Variants in PJA2 observed in about 807,000 individuals in gnomAD.
PJA2 encodes E3 ubiquitin-protein ligase Praja-2.
Under a neutral mutation model 69.3 loss-of-function variants are expected in PJA2, and 25 were observed. That is an observed-to-expected ratio of 0.36 (90% CI 0.26 to 0.50). PJA2 has a LOEUF of 0.50. PJA2 is among the 20% of genes least tolerant of loss of function. The pLI is 0.96. For missense variants in PJA2, 809 were observed against 830.2 expected (o/e 0.97, Z 0.31); for synonymous variants, 308 against 277.8 (o/e 1.11, Z -1.08).
At chr5:109,393,358 T>C (rs2127013918) in intron 1 of PJA2, among the ~76,000 whole-genome samples, 1 of 152,340 alleles carries the variant, frequency 6.6e-6, no homozygotes, top group Admixed American at 6.5e-5. Context: ...AACTGGATGT[T>C]AGGCAATTTT....
intron 1 of PJA2, among the ~76,000 whole-genome samples, chr5:109,389,988 T>C (rs750427546): frequency 9.9e-5 from 15 of 151,944 alleles, no homozygotes; most frequent in Non-Finnish European, 8.8e-5. Flanking sequence ...TCTTTGAAGA[T>C]TAATGATACT....
At chr5:109,340,973 G>A (rs1347085635) in intron 9 of PJA2, among the ~76,000 whole-genome samples, 5 of 136,464 alleles carry the variant, frequency 3.7e-5, no homozygotes, top group East Asian at 4.0e-4. Context: ...GTGCAGTGGC[G>A]TGATCTCGGC....
At chr5:109,373,524 C>T (rs1392745367) in intron 4 of PJA2, among the ~76,000 whole-genome samples, 1 of 151,798 alleles carries the variant, frequency 6.6e-6, no homozygotes, top group Non-Finnish European at 1.5e-5. Flanking sequence ...GACAGGAGTA[C>T]ATGGAAGGAA....
At position 109,337,267 on chromosome 5, in the gene PJA2, G is replaced by A. The variant is rs1761963509; in HGVS notation, c.2091C>T (p.Ala697=). The change falls in exon 10 of 10, where the codon GCC becomes GCT. Residue 697 remains alanine, a synonymous_variant. Coordinates refer to ENST00000361189, the MANE Select transcript of PJA2 (RefSeq NM_014819.5). ...CTGCAATACTGTCATTTGAAGGTGG[G>A]GCATCAGGATCAGGCTCAGAGGAAG... ...AAPSSEPDPD[A]PPSNDSIAEA... 6.2e-7 allele frequency: 1 copy of A among 1,613,594 alleles called. No individual in the cohort carries two copies. Among genetic ancestry groups the A allele is most frequent in the Non-Finnish European group, 8.5e-7 (1 of 1,179,852 alleles).
chr5:109,366,928 T>A (rs1370780872), intron 5 of PJA2, among the ~76,000 whole-genome samples: 1 of 151,858 alleles, frequency 6.6e-6, no homozygotes. Flanking sequence ...GGTCAGGAGT[T>A]CAAGACCAAC....
At chr5:109,389,132 G>A (rs1250952922) in intron 1 of PJA2, among the ~76,000 whole-genome samples, 1 of 152,006 alleles carries the variant, frequency 6.6e-6, no homozygotes, top group Non-Finnish European at 1.5e-5. Flanking sequence ...CTTTTGTCAG[G>A]TTTTCCTATC....
chr5:109,361,778 C>T (rs1762510281), intron 6 of PJA2, among the ~76,000 whole-genome samples: 1 of 152,202 alleles, frequency 6.6e-6, no homozygotes, highest in African/African-American at 2.4e-5. Context: ...AATCCCATTT[C>T]TACTTCCCCA....
At chr5:109,394,317 G>A (rs1326337706) in intron 1 of PJA2, among the ~76,000 whole-genome samples, 2 of 151,712 alleles carry the variant, frequency 1.3e-5, no homozygotes, top group African/African-American at 4.9e-5. Flanking sequence ...CAAAGTGCTG[G>A]GATTACAGGT....
chr5:109,357,463 C>CA (rs1350454958), intron 6 of PJA2, among the ~76,000 whole-genome samples: 1 of 152,152 alleles, frequency 6.6e-6, no homozygotes, highest in Non-Finnish European at 1.5e-5. Flanking sequence ...CACATATAAT[C>CA]ACAGATTTTG....
At chr5:109,347,272 A>C (rs1762184807) in intron 7 of PJA2, among the ~76,000 whole-genome samples, 1 of 147,594 alleles carries the variant, frequency 6.8e-6, no homozygotes, top group Non-Finnish European at 1.5e-5. Flanking sequence ...GGGCCTTTTA[A>C]ATATTTTTCC....
chr5:109,402,513 C>A (rs953313522), intron 1 of PJA2, among the ~76,000 whole-genome samples: 1 of 152,076 alleles, frequency 6.6e-6, no homozygotes, highest in African/African-American at 2.4e-5. Context: ...ATGCACCTAA[C>A]AGGAGGTTCA....
Position 109,363,027 on chromosome 5 carries a change from T to C in PJA2, c.1470-5A>G. 2.6e-6 allele frequency: 4 copies of C among 1,563,428 alleles called. No homozygotes were observed. The highest frequency in any genetic ancestry group is 1.2e-5 in the South Asian group (1 of 83,744). On this transcript the variant is annotated splice_polypyrimidine_tract_variant and splice_region_variant and intron_variant, in intron 5 of 9. Coordinates refer to ENST00000361189, the MANE Select transcript of PJA2 (RefSeq NM_014819.5). Reference sequence around the variant, plus strand: ...TCTTCCAAGGATGTCTGTTCCCTAGTACAAACATTTTAAAGGAAGAAAAAA... The same window carrying C: ...TCTTCCAAGGATGTCTGTTCCCTAGCACAAACATTTTAAAGGAAGAAAAAA...
intron 6 of PJA2, among the ~76,000 whole-genome samples, chr5:109,361,411 C>G (rs1320005358): frequency 1.3e-5 from 2 of 152,116 alleles, no homozygotes; most frequent in African/African-American, 4.8e-5. Flanking sequence ...CACAATGGAG[C>G]TGTAAAAAAT....
intron 4 of PJA2, among the ~76,000 whole-genome samples, chr5:109,376,958 G>T (rs1317573127): frequency 6.6e-6 from 1 of 151,980 alleles, no homozygotes; most frequent in Non-Finnish European, 1.5e-5. Flanking sequence ...TTAACATCAG[G>T]TCAGGCTTTG....
chr5:109,395,142 T>G (rs970905886), intron 1 of PJA2, among the ~76,000 whole-genome samples: 1 of 152,212 alleles, frequency 6.6e-6, no homozygotes, highest in African/African-American at 2.4e-5. Flanking sequence ...AATTCTCACA[T>G]GTAAAATTTC....
intron 7 of PJA2, among the ~76,000 whole-genome samples, chr5:109,353,562 C>T (rs1381556632): frequency 7.1e-6 from 1 of 140,640 alleles, no homozygotes; most frequent in Non-Finnish European, 1.5e-5. Context: ...TATTAGATAT[C>T]TATAATATCA....
chr5:109,364,372 C>T (rs569523797), intron 5 of PJA2, among the ~76,000 whole-genome samples: 1 of 151,942 alleles, frequency 6.6e-6, no homozygotes, highest in South Asian at 2.1e-4. Context: ...GCCTGTAATC[C>T]CAGCACTTTG....
At chr5:109,344,385 C>T in intron 8 of PJA2, 74 bp from the exon 9 acceptor site, 11 of 1,452,666 alleles carry the variant, frequency 7.6e-6, no homozygotes, top group Non-Finnish European at 9.3e-6. Flanking sequence ...ACATATTATA[C>T]TCATAGAAGA....
chr5:109,353,778 AT>A (rs1762330874), intron 7 of PJA2, among the ~76,000 whole-genome samples: 1 of 142,662 alleles, frequency 7.0e-6, no homozygotes, highest in African/African-American at 2.5e-5. Context: ...ATATCTATAG[AT>A]TAGATGTCTA....
Sources: gnomAD v4.1 joint callset for allele counts (sites outside exome capture counted in the v4.1 genomes callset) on GRCh38, gnomAD v4.1.1 for gene constraint, MANE v1.5 for transcripts, NCBI Gene and HGNC (gene_info 2026-07-23, HGNC 2026-07-21) for gene names.